Variants in BTG4 observed in about 807,000 individuals in gnomAD.
BTG4 encodes protein BTG4.
A neutral mutation model predicts 19.3 loss-of-function variants in BTG4; 10 were observed. The ratio of observed to expected loss-of-function variants is 0.52; its 90% CI spans 0.32 to 0.88. The LOEUF (loss-of-function observed/expected upper bound fraction) is 0.88, where lower values mean the gene tolerates loss of function less well. Among genes scored for constraint, BTG4 ranks in the 40% least tolerant of loss-of-function variants. The pLI is 0.04. For synonymous variants in BTG4, 91 were observed against 95.7 expected, an observed-to-expected ratio of 0.95 and a Z score of 0.29; for missense variants, 238 against 281.9, an observed-to-expected ratio of 0.84 and a Z score of 1.11.
the BTG4 span, among the ~76,000 whole-genome samples, chr11:111,391,678 A>G: frequency 2.0e-5 from 3 of 152,012 alleles, no homozygotes; most frequent in Middle Eastern, 6.3e-3. Context: ...ATGTGTTTCC[A>G]ATTGTGTTCC....
the BTG4 span, among the ~76,000 whole-genome samples, chr11:111,406,285 T>C: frequency 6.6e-6 from 1 of 152,212 alleles, no homozygotes; most frequent in African/African-American, 2.4e-5. Flanking sequence ...GGCTACACAC[T>C]AATGTGTTTT....
the BTG4 span, among the ~76,000 whole-genome samples, chr11:111,431,892 G>A: frequency 3.3e-5 from 5 of 152,206 alleles, no homozygotes; most frequent in African/African-American, 4.8e-5. Flanking sequence ...ATGCTGTCAC[G>A]ATGCTTGGTT....
intron 1 of BTG4, among the ~76,000 whole-genome samples, chr11:111,507,614 T>C (rs1344367239): frequency 6.6e-6 from 1 of 152,196 alleles, no homozygotes; most frequent in Non-Finnish European, 1.5e-5. Context: ...GTGGTGCCAA[T>C]GCAGCAGATT....
chr11:111,491,326 T>A (rs560240229), downstream of BTG4, among the ~76,000 whole-genome samples: 4 of 152,184 alleles, frequency 2.6e-5, no homozygotes, highest in Non-Finnish European at 5.9e-5. Flanking sequence ...CAATATCTGG[T>A]TGTGATACTG....
At chr11:111,424,514 C>G in the BTG4 span, among the ~76,000 whole-genome samples, 1 of 152,138 alleles carries the variant, frequency 6.6e-6, no homozygotes, top group Admixed American at 6.5e-5. Context: ...GTTAATCCAC[C>G]CAAATAATTC....
chr11:111,399,196 A>T, the BTG4 span: 1 of 152,200 alleles, frequency 6.6e-6, no homozygotes, highest in Admixed American at 6.5e-5. Flanking sequence ...GGAGGCTTTC[A>T]TTACCTTTGG....
At chr11:111,418,694 G>T in the BTG4 span, among the ~76,000 whole-genome samples, 2 of 152,194 alleles carry the variant, frequency 1.3e-5, no homozygotes, top group African/African-American at 4.8e-5. Flanking sequence ...GAGGTTGGTA[G>T]CTCCCTGAAG....
chr11:111,509,706 C>T (rs1046927348), intron 1 of BTG4, among the ~76,000 whole-genome samples: 1 of 146,094 alleles, frequency 6.8e-6, no homozygotes, highest in Non-Finnish European at 1.5e-5. Context: ...CAAAAAAAAA[C>T]AAAAACAAAA....
chr11:111,467,530 T>C, exon 6 of BTG4: 2 of 580,604 alleles, frequency 3.4e-6, no homozygotes, highest in Non-Finnish European at 3.1e-6. Flanking sequence ...AAAGGATAGG[T>C]TTGGTTTTGT....
chr11:111,474,102 C>T (rs1371942995), intron 5 of BTG4, among the ~76,000 whole-genome samples: 1 of 152,130 alleles, frequency 6.6e-6, no homozygotes, highest in African/African-American at 2.4e-5. Context: ...CAGAAACTAG[C>T]AACCTAGAGA....
chr11:111,441,983 C>T, the BTG4 span, among the ~76,000 whole-genome samples: 2 of 151,222 alleles, frequency 1.3e-5, no homozygotes, highest in African/African-American at 4.9e-5. Flanking sequence ...CACTTGAACC[C>T]GGGAGGAGGA....
chr11:111,421,148 G>C, the BTG4 span, among the ~76,000 whole-genome samples: 2 of 152,200 alleles, frequency 1.3e-5, no homozygotes, highest in Admixed American at 1.3e-4. Context: ...GGTGTGCAAT[G>C]GATCTCAAGA....
intron 1 of BTG4, among the ~76,000 whole-genome samples, chr11:111,507,537 T>C (rs1866542428): frequency 6.6e-6 from 1 of 152,194 alleles, no homozygotes; most frequent in Non-Finnish European, 1.5e-5. Flanking sequence ...CAAAAAAATC[T>C]GGTAGAGCCA....
chr11:111,401,274 C>G, the BTG4 span, among the ~76,000 whole-genome samples: 5 of 152,130 alleles, frequency 3.3e-5, no homozygotes, highest in South Asian at 8.3e-4. Flanking sequence ...ATCACGAGGT[C>G]AGGAGATCGA....
the BTG4 span, chr11:111,384,721 T>A: frequency 6.6e-6 from 1 of 152,158 alleles, no homozygotes; most frequent in African/African-American, 2.4e-5. Context: ...GCAAGAACTA[T>A]GAGAGCAAAA....
At chr11:111,461,752 G>A in the BTG4 span, 2 of 152,594 alleles carry the variant, frequency 1.3e-5, no homozygotes, top group Non-Finnish European at 2.9e-5. Context: ...AAACCAAGTT[G>A]ATGGCCTCAC....
chr11:111,442,652 C>G, the BTG4 span, among the ~76,000 whole-genome samples: 1 of 151,562 alleles, frequency 6.6e-6, no homozygotes, highest in Non-Finnish European at 1.5e-5. Context: ...CCAAAGGACC[C>G]CGTAGCCCAC....
At chr11:111,465,869 C>T (rs1198289716), downstream of BTG4, among the ~76,000 whole-genome samples, 1 of 152,000 alleles carries the variant, frequency 6.6e-6, no homozygotes, top group Non-Finnish European at 1.5e-5. Context: ...CTAACAAAGC[C>T]TAAAATACTT....
intron 5 of BTG4, among the ~76,000 whole-genome samples, chr11:111,484,482 C>T (rs1864932919): frequency 6.6e-6 from 1 of 151,988 alleles, no homozygotes; most frequent in African/African-American, 2.4e-5. Context: ...AAAGTGAAAG[C>T]AGGGGGTAGG....
Sources: allele counts gnomAD v4.1 joint callset (sites outside exome capture counted in the v4.1 genomes callset), GRCh38; gene constraint gnomAD v4.1.1; transcripts MANE v1.5; gene names NCBI Gene and HGNC (gene_info 2026-07-23, HGNC 2026-07-21).